The following PMFBP1 variants were observed in gnomAD, a reference collection of about 807,000 sequenced individuals.
The protein encoded by PMFBP1 is polyamine-modulated factor 1-binding protein 1.
A neutral mutation model predicts 137.8 loss-of-function variants in PMFBP1; 131 were observed. The observed-to-expected ratio is 0.95, with a 90% CI of 0.82 to 1.10. The LOEUF is 1.10. Ranked by LOEUF, PMFBP1 falls within the 50% of genes least tolerant of loss-of-function variation. The pLI is 0.00. For synonymous variants in PMFBP1, 490 were observed against 450.4 expected (o/e 1.09, Z -1.11); for missense variants, 1,199 against 1,175.4 (o/e 1.02, Z -0.29).
At chr16:72,137,990 C>T (rs932741684) in intron 7 of PMFBP1, among the ~76,000 whole-genome samples, 8 of 151,950 alleles carry the variant, frequency 5.3e-5, no homozygotes, top group African/African-American at 1.7e-4. Context: ...AAAAAGCTGG[C>T]GTGGGTCTCT....
the PMFBP1 span, among the ~76,000 whole-genome samples, chr16:72,222,711 T>G: frequency 1.3e-5 from 2 of 152,216 alleles, no homozygotes; most frequent in Admixed American, 1.3e-4. Context: ...TTTCCACATC[T>G]GTAAAATGGG....
At chr16:72,240,232 T>A in the PMFBP1 span, among the ~76,000 whole-genome samples, 4 of 152,350 alleles carry the variant, frequency 2.6e-5, no homozygotes, top group African/African-American at 9.6e-5. Flanking sequence ...TAAAAGGAAA[T>A]GCTGGTTTCT....
downstream of PMFBP1, among the ~76,000 whole-genome samples, chr16:72,117,824 C>T (rs2042323968): frequency 6.6e-6 from 1 of 152,210 alleles, no homozygotes. Flanking sequence ...AGGCAGGCAA[C>T]ACTCAGTTTC....
intron 10 of PMFBP1, among the ~76,000 whole-genome samples, chr16:72,131,066 T>C (rs899039623): frequency 6.6e-6 from 1 of 152,184 alleles, no homozygotes; most frequent in African/African-American, 2.4e-5. Flanking sequence ...AACACTGTCA[T>C]GTTAAACTCG....
chr16:72,217,302 A>G, the PMFBP1 span, among the ~76,000 whole-genome samples: 3 of 152,192 alleles, frequency 2.0e-5, no homozygotes, highest in Non-Finnish European at 4.4e-5. Context: ...TAATATTATA[A>G]TTACATTTTA....
At chr16:72,206,752 CAACGAT>C in the PMFBP1 span, among the ~76,000 whole-genome samples, 26 of 152,144 alleles carry the variant, frequency 1.7e-4, no homozygotes, top group African/African-American at 6.3e-4. Flanking sequence ...CTCAACGTGC[CAACGAT>C]TACCGTAGCT....
the PMFBP1 span, among the ~76,000 whole-genome samples, chr16:72,213,304 C>T: frequency 1.3e-4 from 20 of 152,292 alleles, 1 homozygote; most frequent in African/African-American, 4.6e-4. Context: ...TTGAGCTGGA[C>T]TTAGTGACTT....
Position 72,140,397 on chromosome 16 carries a change from G to A in PMFBP1, c.807+15C>T, listed in dbSNP as rs1006008268. ...GAGGGTCTCCCAGAGACATGTTCTA[G>A]AAGAAGGCACTTACCAAAGCGTTAC... On this transcript the variant is annotated intron_variant, in intron 6 of 20. Coordinates refer to ENST00000237353, the MANE Select transcript of PMFBP1 (RefSeq NM_031293.3). 2 of 1,605,716 alleles carry A rather than the reference G, an allele frequency of 1.2e-6. No homozygotes were observed. The highest frequency in any genetic ancestry group is 8.5e-7 in the Non-Finnish European group (1 of 1,172,578).
the PMFBP1 span, among the ~76,000 whole-genome samples, chr16:72,248,344 G>T: frequency 6.6e-6 from 1 of 152,116 alleles, no homozygotes; most frequent in Non-Finnish European, 1.5e-5. Context: ...ATTATCCTAA[G>T]AATATGACTA....
chr16:72,152,530 C>T (rs2042916359), intron 4 of PMFBP1, among the ~76,000 whole-genome samples: 1 of 151,982 alleles, frequency 6.6e-6, no homozygotes, highest in African/African-American at 2.4e-5. Flanking sequence ...TGGTCCTCTG[C>T]CCTTTTATCT....
chr16:72,139,842 T>C (rs2042689205), intron 6 of PMFBP1, among the ~76,000 whole-genome samples: 2 of 152,254 alleles, frequency 1.3e-5, no homozygotes, highest in East Asian at 1.9e-4. Flanking sequence ...TTATGCTTTT[T>C]TGAATTTGTT....
At chr16:72,234,562 C>G in the PMFBP1 span, among the ~76,000 whole-genome samples, 2 of 152,184 alleles carry the variant, frequency 1.3e-5, no homozygotes, top group Admixed American at 1.3e-4. Flanking sequence ...CGTCCAACCC[C>G]ACCCTCTTAC....
chr16:72,123,596 TCG>T lies in PMFBP1; in HGVS notation c.2641_2642del (p.Gly882GlufsTer2). On this transcript the variant is annotated frameshift_variant, in exon 18 of 21. Coordinates refer to ENST00000237353, the MANE Select transcript of PMFBP1 (RefSeq NM_031293.3). LOFTEE classifies it high-confidence loss of function. The stretch of plus-strand genomic sequence containing the variant: ...AGTTGGTCATAATCTGATCATTCCC[TCG>T]GTAGAGCCTACAGGTGTCTTTGGGC... The part of the protein sequence containing the change: ...SVPKDTCRLY[R>X]GNDQIMTNLE... The T allele has an allele frequency of 6.2e-7, 1 of 1,614,142 alleles. No individual in the cohort carries two copies. The highest frequency in any genetic ancestry group is 8.5e-7 in the Non-Finnish European group (1 of 1,179,992).
At position 72,132,960 on chromosome 16, in the gene PMFBP1, T is replaced by C. The variant is rs374774971; in HGVS notation, c.1235A>G (p.Glu412Gly). ...FLQEKDEMLQELEKKLTQVQN... is the reference protein window; with the variant it reads ...FLQEKDEMLQGLEKKLTQVQN... ...AACCTGTGTCAGTTTCTTCTCCAGCTCTTGCAGCATCTCATCTTTCTCTTG... is the reference window on the plus strand; with the variant it reads ...AACCTGTGTCAGTTTCTTCTCCAGCCCTTGCAGCATCTCATCTTTCTCTTG... Residue 412 changes from glutamate to glycine, a missense_variant, in exon 10 of 21, where the codon GAG becomes GGG. Physicochemically the swap from Glu to Gly is moderately conservative, Grantham distance 98. Transcript: ENST00000237353. 110 of 1,614,074 alleles carry C rather than the reference T, an allele frequency of 6.8e-5. No homozygotes were observed. The highest frequency in any genetic ancestry group is 3.8e-4 in the Admixed American group (23 of 60,000).
At chr16:72,176,667 C>A (rs1028351116), upstream of PMFBP1, among the ~76,000 whole-genome samples, 1 of 152,202 alleles carries the variant, frequency 6.6e-6, no homozygotes, top group African/African-American at 2.4e-5. Context: ...ACTATCATTG[C>A]CAGCCCTGGA....
chr16:72,233,310 A>G, the PMFBP1 span, among the ~76,000 whole-genome samples: 1 of 152,162 alleles, frequency 6.6e-6, no homozygotes, highest in African/African-American at 2.4e-5. Context: ...CTGAGTGAGT[A>G]CTGAGGGATC....
intron 4 of PMFBP1, among the ~76,000 whole-genome samples, chr16:72,151,456 T>C (rs1170615013): frequency 2.0e-5 from 3 of 152,208 alleles, no homozygotes; most frequent in Non-Finnish European, 2.9e-5. Flanking sequence ...TTTAAAACTT[T>C]CACAATCTTG....
the PMFBP1 span, among the ~76,000 whole-genome samples, chr16:72,214,857 A>G: frequency 6.6e-6 from 1 of 152,172 alleles, no homozygotes; most frequent in Non-Finnish European, 1.5e-5. Context: ...AATGTATCTA[A>G]AAGGTTCAAA....
chr16:72,129,095 G>T lies in PMFBP1; in HGVS notation c.1921C>A (p.Arg641=). 1.2e-6 allele frequency: 2 copies of T among 1,613,782 alleles called. No individual in the cohort carries two copies. The highest frequency in any genetic ancestry group is 2.2e-5 in the South Asian group (2 of 90,996). The change falls in exon 13 of 21, where the codon CGG becomes AGG. Residue 641 remains arginine (R), a synonymous_variant. Transcript: ENST00000237353. ...TTGTCTTTCTTTTTAAATTCCTGCC[G>T]CAAAGCTTCAAGTTCTCCCTCCATC... is the stretch of plus-strand genomic sequence containing the variant. ...KLMEGELEAL[R]QEFKKKDKTL... is the part of the protein sequence containing the mutation.
Sources: allele counts gnomAD v4.1 joint callset (sites outside exome capture counted in the v4.1 genomes callset), GRCh38; gene constraint gnomAD v4.1.1; transcripts MANE v1.5; gene names NCBI Gene and HGNC (gene_info 2026-07-23, HGNC 2026-07-21).